MMP28: variants seen among roughly 807,000 people sequenced by gnomAD.
The protein encoded by MMP28 is matrix metallopeptidase 28.
A neutral mutation model predicts 60.5 loss-of-function variants in MMP28; 55 were observed. The observed-to-expected ratio is 0.91, with a 90% CI of 0.73 to 1.14. The LOEUF is 1.14. Among genes scored for constraint, MMP28 ranks in the 50% most tolerant of loss-of-function variants. MMP28 has a pLI of 0.00. For synonymous variants in MMP28, 318 were observed against 312.5 expected (o/e 1.02, Z -0.18); for missense variants, 686 against 738.3 (o/e 0.93, Z 0.82).
chr17:35,776,919 C>A (rs1287293524), intron 3 of MMP28, among the ~76,000 whole-genome samples: 1 of 152,018 alleles, frequency 6.6e-6, no homozygotes, highest in Non-Finnish European at 1.5e-5. Flanking sequence ...GAGAGAGATG[C>A]TCGAAATTGT....
At chr17:35,767,241 G>C (rs1432168001) in intron 7 of MMP28, among the ~76,000 whole-genome samples, 2 of 152,128 alleles carry the variant, frequency 1.3e-5, no homozygotes, top group Non-Finnish European at 2.9e-5. Flanking sequence ...ACCACGTCTA[G>C]TGCATACAAG....
At chr17:35,780,357 C>T (rs373152524) in intron 1 of MMP28, among the ~76,000 whole-genome samples, 1 of 152,180 alleles carries the variant, frequency 6.6e-6, no homozygotes, top group African/African-American at 2.4e-5. Flanking sequence ...CGTAAGCCAC[C>T]GTGCCCAGCC....
chr17:35,788,448 A>C lies in MMP28; in HGVS notation c.111+6819T>G, dbSNP rs566358982. On this transcript the variant is annotated intron_variant, in intron 1 of 7. Transcript: ENST00000605424. ...TTAGGGTCATGCTTCCACTACCCAA[A>C]TCCTGGTAATTGGCTAGACAAGTGC... 9.2e-5 allele frequency among the ~76,000 whole-genome samples: 14 copies of C among 152,118 alleles called. 1 individual carries two copies. Among genetic ancestry groups the C allele is most frequent in the Non-Finnish European group, 1.6e-4 (11 of 68,024 alleles).
intron 1 of MMP28, among the ~76,000 whole-genome samples, chr17:35,791,980 A>C (rs2086827195): frequency 6.6e-6 from 1 of 151,886 alleles, no homozygotes; most frequent in Non-Finnish European, 1.5e-5. Flanking sequence ...GAGCTTTGTC[A>C]CTCAGCACAG....
At chr17:35,757,297 C>CT (rs1462908354) in intron 2 of MMP28, 1 of 152,194 alleles carries the variant, frequency 6.6e-6, no homozygotes, top group Non-Finnish European at 1.5e-5. Flanking sequence ...TGACAACCCT[C>CT]TTTTTGCCAT....
At chr17:35,775,947 C>T (rs1222433625) in intron 3 of MMP28, among the ~76,000 whole-genome samples, 1 of 152,104 alleles carries the variant, frequency 6.6e-6, no homozygotes, top group Non-Finnish European at 1.5e-5. Flanking sequence ...CATCCGGGCT[C>T]ACTGCAAGCT....
chr17:35,759,245 G>T (rs1316821326), intron 2 of MMP28, among the ~76,000 whole-genome samples: 7 of 152,216 alleles, frequency 4.6e-5, no homozygotes, highest in Admixed American at 4.6e-4. Flanking sequence ...GAATGAGCTT[G>T]TTGGGAGACA....
At chr17:35,790,170 A>G (rs1314829387) in intron 1 of MMP28, among the ~76,000 whole-genome samples, 1 of 148,900 alleles carries the variant, frequency 6.7e-6, no homozygotes, top group East Asian at 2.0e-4. Flanking sequence ...GGGTTCAAGC[A>G]ATTCTGCCTC....
At chr17:35,776,587 A>G (rs2086338182) in intron 3 of MMP28, among the ~76,000 whole-genome samples, 1 of 152,168 alleles carries the variant, frequency 6.6e-6, no homozygotes, top group African/African-American at 2.4e-5. Context: ...ACTATCCTCT[A>G]TCAAAAAGAG....
chr17:35,772,931 A>T (rs919110608), intron 4 of MMP28, among the ~76,000 whole-genome samples: 2 of 152,332 alleles, frequency 1.3e-5, no homozygotes, highest in African/African-American at 4.8e-5. Flanking sequence ...CAGAATGCAT[A>T]ATACTCTTGA....
chr17:35,781,737 T>C (rs1264980318), intron 1 of MMP28, among the ~76,000 whole-genome samples: 2 of 152,228 alleles, frequency 1.3e-5, no homozygotes, highest in African/African-American at 4.8e-5. Flanking sequence ...GGAGAATTCT[T>C]CTACCTACAT....
At chr17:35,771,210 A>T (rs2086125571) in intron 4 of MMP28, among the ~76,000 whole-genome samples, 3 of 152,158 alleles carry the variant, frequency 2.0e-5, no homozygotes, top group Admixed American at 2.0e-4. Flanking sequence ...AGGCGGGTGG[A>T]TCACGAGGTC....
At chr17:35,775,823 C>T (rs1555607494) in intron 3 of MMP28, among the ~76,000 whole-genome samples, 1 of 152,236 alleles carries the variant, frequency 6.6e-6, no homozygotes, top group Non-Finnish European at 1.5e-5. Flanking sequence ...GAACAGGAAG[C>T]CTGCAGGCAG....
At chr17:35,759,881 T>C (rs1390825210) in intron 2 of MMP28, among the ~76,000 whole-genome samples, 28 of 152,130 alleles carry the variant, frequency 1.8e-4, no homozygotes, top group Admixed American at 1.8e-3. Flanking sequence ...ATAAAGTCCT[T>C]TGTCTCTGAC....
At chr17:35,764,384 A>T, downstream of MMP28, 1 of 1,467,350 alleles carries the variant, frequency 6.8e-7, no homozygotes, top group Non-Finnish European at 9.0e-7. Flanking sequence ...CCCAGGGAGG[A>T]GGGGCTGCCC....
At chr17:35,795,003 C>T (rs974893024) in intron 1 of MMP28, among the ~76,000 whole-genome samples, 3 of 152,224 alleles carry the variant, frequency 2.0e-5, no homozygotes, top group Non-Finnish European at 4.4e-5. Context: ...GGTAGGATGT[C>T]CCCTCTGGGC....
At position 35,773,211 on chromosome 17, in the gene MMP28, G is replaced by C; in HGVS notation, c.573C>G (p.Asn191Lys). ...IRLTFFQGDH[N>K]DGLGNAFDGP... ...CATCAAAGGCATTGCCCAGCCCATC[G>C]TTGTGGTCCCCTTGGAAGAAGGTGA... Residue 191 changes from asparagine to lysine, a missense_variant, in exon 4 of 8, where the codon AAC becomes AAG. Asn to Lys is a moderately conservative substitution (Grantham distance 94). Transcript: ENST00000605424. 6.2e-7 allele frequency: 1 copy of C among 1,614,012 alleles called. No individual in the cohort carries two copies.
At position 35,769,338 on chromosome 17, in the gene MMP28, G is replaced by T. The variant is rs573981764; in HGVS notation, c.850+729C>A. On this transcript the variant is annotated intron_variant, in intron 5 of 7. Coordinates refer to ENST00000605424, the MANE Select transcript of MMP28 (RefSeq NM_024302.5). Reference sequence around the variant, plus strand: ...CTACAAAGCATGCTCATACCCAGTAGCACAACAGCCCTGTCAGGTAAGCAG... The same window carrying T: ...CTACAAAGCATGCTCATACCCAGTATCACAACAGCCCTGTCAGGTAAGCAG... Among the ~76,000 whole-genome samples the T allele has an allele frequency of 2.6e-5, 4 of 152,354 alleles. No homozygotes were observed. The East Asian group carries it at 7.7e-4, about 29-fold the overall frequency.
chr17:35,781,294 T>C (rs2086493862), intron 1 of MMP28, among the ~76,000 whole-genome samples: 1 of 152,146 alleles, frequency 6.6e-6, no homozygotes, highest in African/African-American at 2.4e-5. Flanking sequence ...TGCTATTTAA[T>C]GTATGAGGAA....
Sources: gnomAD v4.1 joint callset for allele counts (sites outside exome capture counted in the v4.1 genomes callset) on GRCh38, gnomAD v4.1.1 for gene constraint, MANE v1.5 for transcripts, NCBI Gene and HGNC (gene_info 2026-07-23, HGNC 2026-07-21) for gene names.